The following ST18 variants were observed in gnomAD, a reference collection of about 807,000 sequenced individuals.
The protein encoded by ST18 is ST18 C2H2C-type zinc finger transcription factor.
Under a neutral mutation model 110.0 loss-of-function variants are expected in ST18, and 50 were observed. The observed-to-expected ratio is 0.45, with a 90% CI of 0.36 to 0.58. The LOEUF (loss-of-function observed/expected upper bound fraction) is 0.58. Ranked by LOEUF, ST18 falls within the 20% of genes least tolerant of loss-of-function variation. ST18 has a pLI of 0.00. For synonymous variants in ST18, 461 were observed against 452.4 expected (o/e 1.02, Z -0.24); for missense variants, 1,306 against 1,280.1 (o/e 1.02, Z -0.31).
intron 9 of ST18, among the ~76,000 whole-genome samples, chr8:52,179,651 A>T (rs926191457): frequency 6.6e-6 from 1 of 151,874 alleles, no homozygotes; most frequent in Non-Finnish European, 1.5e-5. Flanking sequence ...ACATGTTGAT[A>T]AAAAAAATTA....
At chr8:52,324,967 G>A (rs975921544) in intron 2 of ST18, among the ~76,000 whole-genome samples, 2 of 152,132 alleles carry the variant, frequency 1.3e-5, no homozygotes, top group Non-Finnish European at 2.9e-5. Context: ...AAAATAAGTT[G>A]GACATTTGAA....
intron 2 of ST18, among the ~76,000 whole-genome samples, chr8:52,267,668 C>A (rs538336425): frequency 3.9e-5 from 6 of 152,206 alleles, no homozygotes; most frequent in African/African-American, 1.2e-4. Flanking sequence ...TATTATGCAA[C>A]CTGTACTTAA....
chr8:52,218,586 G>T (rs1001279349), intron 5 of ST18, among the ~76,000 whole-genome samples: 41 of 133,490 alleles, frequency 3.1e-4, no homozygotes, highest in African/African-American at 1.1e-3. Flanking sequence ...TTTTAGTAGA[G>T]ACTGGGTTTC....
At position 52,215,742 on chromosome 8, in the gene ST18, A is replaced by G. The variant is rs138763968; in HGVS notation, c.1-1485T>C. 9.1e-3 allele frequency among the ~76,000 whole-genome samples: 1,385 copies of G among 152,290 alleles called. 22 individuals carry two copies. Among genetic ancestry groups the G allele is most frequent in the African/African-American group, 0.031 (1,308 of 41,562 alleles). ...TCCTGTCAATTTTCCTTCTTTTCAG[A>G]CCACATGAGTTTATGACAGATGTGA... On this transcript the variant is annotated intron_variant, in intron 6 of 25. Coordinates refer to ENST00000689386, the MANE Select transcript of ST18 (RefSeq NM_001352837.2).
chr8:52,205,325 G>A (rs1410225840), intron 8 of ST18, among the ~76,000 whole-genome samples: 1 of 151,916 alleles, frequency 6.6e-6, no homozygotes, highest in Non-Finnish European at 1.5e-5. Flanking sequence ...GGCCTCAGGT[G>A]TAGGTTAAAT....
intron 14 of ST18, among the ~76,000 whole-genome samples, chr8:52,159,480 C>A (rs1423395532): frequency 3.3e-5 from 5 of 152,078 alleles, no homozygotes; most frequent in African/African-American, 4.8e-5. Context: ...TTAAGGCATG[C>A]CCATTGGAAA....
At chr8:52,348,714 A>C (rs568378768) in intron 2 of ST18, among the ~76,000 whole-genome samples, 195 of 152,356 alleles carry the variant, frequency 1.3e-3, no homozygotes, top group Middle Eastern at 3.4e-3. Context: ...ATTGCACTTC[A>C]GCCTGAGCAA....
intron 3 of ST18, 57 bp from the exon 4 acceptor site, chr8:52,221,850 G>A (rs2086857936): frequency 6.6e-6 from 1 of 151,100 alleles, no homozygotes; most frequent in Non-Finnish European, 1.5e-5. Flanking sequence ...TGCACATGAT[G>A]TAAGAATTGA....
intron 2 of ST18, among the ~76,000 whole-genome samples, chr8:52,280,351 TTATAAA>T (rs1302331190): frequency 6.6e-6 from 1 of 152,038 alleles, no homozygotes; most frequent in Non-Finnish European, 1.5e-5. Flanking sequence ...ATGGCTCACT[TTATAAA>T]AATACAACTA....
intron 23 of ST18, among the ~76,000 whole-genome samples, chr8:52,125,387 G>A (rs1474390967): frequency 1.5e-5 from 2 of 130,596 alleles, no homozygotes; most frequent in African/African-American, 4.1e-5. Context: ...AAACGCGCAC[G>A]TACACACACA....
At chr8:52,311,272 G>T (rs1034206945) in intron 2 of ST18, among the ~76,000 whole-genome samples, 2 of 152,208 alleles carry the variant, frequency 1.3e-5, no homozygotes, top group Non-Finnish European at 2.9e-5. Flanking sequence ...ATCTTTCACA[G>T]TCTATCTTGT....
At chr8:52,394,154 T>C (rs1840295004) in intron 2 of ST18, among the ~76,000 whole-genome samples, 1 of 152,102 alleles carries the variant, frequency 6.6e-6, no homozygotes, top group South Asian at 2.1e-4. Context: ...ATGAAGGGCA[T>C]CCCAGTCTCT....
intron 2 of ST18, among the ~76,000 whole-genome samples, chr8:52,255,506 A>G (rs993635962): frequency 2.6e-5 from 4 of 152,138 alleles, no homozygotes; most frequent in African/African-American, 7.2e-5. Flanking sequence ...GTCTCCAAAT[A>G]TTTTCCTGAA....
chr8:52,361,491 A>G (rs555049719), intron 2 of ST18, among the ~76,000 whole-genome samples: 13 of 152,328 alleles, frequency 8.5e-5, no homozygotes, highest in African/African-American at 3.1e-4. Flanking sequence ...CAGTTCACTC[A>G]TTGCCAATAA....
At chr8:52,398,697 A>C (rs1841969817) in intron 2 of ST18, among the ~76,000 whole-genome samples, 1 of 152,162 alleles carries the variant, frequency 6.6e-6, no homozygotes, top group Non-Finnish European at 1.5e-5. Context: ...ATGTTAATTG[A>C]GAATAATCAT....
intron 17 of ST18, among the ~76,000 whole-genome samples, chr8:52,141,680 G>A (rs1207964766): frequency 2.0e-5 from 3 of 152,148 alleles, no homozygotes; most frequent in South Asian, 2.1e-4. Context: ...AGGAGAGGAT[G>A]TGGGCCCTGC....
intron 2 of ST18, among the ~76,000 whole-genome samples, chr8:52,334,953 T>C (rs1811378567): frequency 1.3e-5 from 2 of 152,316 alleles, no homozygotes; most frequent in Admixed American, 6.5e-5. Flanking sequence ...AAAGTCATCA[T>C]GAAAATGCAA....
chr8:52,361,208 G>C (rs989644900), intron 2 of ST18, among the ~76,000 whole-genome samples: 11 of 152,094 alleles, frequency 7.2e-5, no homozygotes, highest in Non-Finnish European at 1.5e-4. Context: ...ATTAGCTTTG[G>C]CTATAATGTT....
chr8:52,137,530 G>T (rs1415382284), intron 17 of ST18, 47 bp from the exon 18 acceptor site: 1 of 1,596,354 alleles, frequency 6.3e-7, no homozygotes, highest in Non-Finnish European at 8.6e-7. Flanking sequence ...CATTTCCCAG[G>T]TTCATTTCCT....
Sources: gnomAD v4.1 joint callset for allele counts (sites outside exome capture counted in the v4.1 genomes callset) on GRCh38, gnomAD v4.1.1 for gene constraint, MANE v1.5 for transcripts, NCBI Gene and HGNC (gene_info 2026-07-23, HGNC 2026-07-21) for gene names.